The following MTRES1 variants were observed in gnomAD, a reference collection of about 807,000 sequenced individuals.
The protein encoded by MTRES1 is uncharacterized protein C6orf203.
In MTRES1, 11 loss-of-function variants were observed where a neutral mutation model predicts 17.4. That is an observed-to-expected ratio of 0.63 (90% CI 0.40 to 1.05). The LOEUF (loss-of-function observed/expected upper bound fraction) is 1.05, where lower values mean the gene tolerates loss of function less well. Ranked by LOEUF, MTRES1 falls within the 50% of genes least tolerant of loss-of-function variation. The pLI is 0.00. For missense variants in MTRES1, 268 were observed against 276.2 expected (o/e 0.97, Z 0.21); for synonymous variants, 94 against 99.6 (o/e 0.94, Z 0.34).
At chr6:107,031,400 G>GA (rs1169746963) in intron 1 of MTRES1, among the ~76,000 whole-genome samples, 3 of 98,430 alleles carry the variant, frequency 3.0e-5, no homozygotes, top group Non-Finnish European at 4.3e-5. Flanking sequence ...AAAAAAAAAA[G>GA]AAAAAAAAAG....
In MTRES1 at chr6:107,040,235, G is replaced by A; in HGVS notation, c.470+5G>A. On this transcript the variant is annotated splice_donor_5th_base_variant and intron_variant, in intron 2 of 3. Coordinates refer to ENST00000311381, the MANE Select transcript of MTRES1 (RefSeq NM_016487.5). ...GGGGCTAGATATTGGGAGAAAGTGA[G>A]TATGATACGCATTTCATTATAAACT... 6.3e-7 allele frequency: 1 copy of A among 1,575,946 alleles called. No individual in the cohort carries two copies. The highest frequency in any genetic ancestry group is 8.6e-7 in the Non-Finnish European group (1 of 1,166,734).
At chr6:107,046,304 C>A (rs2114968908) in intron 3 of MTRES1, among the ~76,000 whole-genome samples, 1 of 152,268 alleles carries the variant, frequency 6.6e-6, no homozygotes, top group South Asian at 2.1e-4. Context: ...CATTTACAAA[C>A]CCCACTAGAC....
intron 1 of MTRES1, among the ~76,000 whole-genome samples, chr6:107,034,459 G>GAA (rs199941602): frequency 2.4e-4 from 5 of 20,926 alleles, no homozygotes; most frequent in Admixed American, 6.0e-4. Context: ...TTTTATTCCA[G>GAA]AAAAAAAAAA....
intron 1 of MTRES1, among the ~76,000 whole-genome samples, chr6:107,030,568 TCAAATTATGA>T (rs1554226310): frequency 6.6e-6 from 1 of 152,200 alleles, no homozygotes. Context: ...TCTTGCAGCA[TCAAATTATGA>T]CAAGACGTGA....
chr6:107,050,083 T>C (rs1214015089), intron 3 of MTRES1, among the ~76,000 whole-genome samples: 1 of 152,228 alleles, frequency 6.6e-6, no homozygotes, highest in Non-Finnish European at 1.5e-5. Context: ...CTGGACCCGG[T>C]ATCTGTCTTG....
At chr6:107,045,670 AT>A (rs1223530801) in intron 3 of MTRES1, among the ~76,000 whole-genome samples, 1 of 152,156 alleles carries the variant, frequency 6.6e-6, no homozygotes, top group Non-Finnish European at 1.5e-5. Context: ...CACTTTCATA[AT>A]GGAAAAAACA....
intron 3 of MTRES1, among the ~76,000 whole-genome samples, chr6:107,048,332 G>T (rs921719276): frequency 1.3e-5 from 2 of 151,580 alleles, no homozygotes; most frequent in African/African-American, 4.8e-5. Context: ...ACGGGGTTTC[G>T]CCATGTTGGC....
Position 107,040,147 on chromosome 6 carries a change from C to A in MTRES1, c.387C>A (p.Val129=). The change falls in exon 2 of 4, where the codon GTC becomes GTA. Residue 129 remains valine, a synonymous_variant. Transcript: ENST00000311381. Reference sequence around the variant, plus strand: ...AGCTTGAGGATGATCCTACTGTAGTCAAAAACTATAAAGACCTGGAAAAAG... The same window carrying A: ...AGCTTGAGGATGATCCTACTGTAGTAAAAAACTATAAAGACCTGGAAAAAG... ...EEELEDDPTV[V]KNYKDLEKAV... 2 of 1,613,240 alleles carry A rather than the reference C, an allele frequency of 1.2e-6. No homozygotes were observed. Among genetic ancestry groups the A allele is most frequent in the South Asian group, 2.2e-5 (2 of 90,734 alleles).
rs1774596085 is a variant in MTRES1 at position 107,051,221 on chromosome 6, G to C, written c.708G>C (p.Lys236Asn). ...RRWKSLKLPK[K>N]RMSK ...GGAAAAGTTTAAAGTTGCCTAAGAA[G>C]AGAATGTCTAAATAAATGGATTGCT... Residue 236 changes from lysine (K) to asparagine (N), a missense_variant, in exon 4 of 4, where the codon AAG becomes AAC. Physicochemically the swap from Lys to Asn is moderately conservative, Grantham distance 94. Coordinates refer to ENST00000311381, the MANE Select transcript of MTRES1 (RefSeq NM_016487.5). 5 of 1,613,300 alleles carry C rather than the reference G, an allele frequency of 3.1e-6. No homozygotes were observed. The highest frequency in any genetic ancestry group is 4.2e-6 in the Non-Finnish European group (5 of 1,179,666).
chr6:107,049,392 G>C (rs1357138688), intron 3 of MTRES1, among the ~76,000 whole-genome samples: 1 of 150,986 alleles, frequency 6.6e-6, no homozygotes, highest in Non-Finnish European at 1.5e-5. Context: ...GTGGCTCCTG[G>C]GTCTGTATGG....
At chr6:107,046,933 TGTGTGTGTGTGTGTGTGTGTGTGTG>T (rs1774412667) in intron 3 of MTRES1, among the ~76,000 whole-genome samples, 3 of 146,814 alleles carry the variant, frequency 2.0e-5, no homozygotes, top group African/African-American at 7.8e-5. Flanking sequence ...TTCATTCTTG[TGTGTGTGTGTGTGTGTGTGTGTGTG>T]TGTGTGTGTG....
intron 3 of MTRES1, among the ~76,000 whole-genome samples, chr6:107,048,161 C>T (rs1774453449): frequency 6.6e-6 from 1 of 151,910 alleles, no homozygotes; most frequent in Non-Finnish European, 1.5e-5. Flanking sequence ...TTTGAGACAG[C>T]CTTGCTCTTG....
In MTRES1 at chr6:107,048,170, T is replaced by C. The variant is rs549007202; in HGVS notation, c.544-2887T>C. On this transcript the variant is annotated intron_variant, in intron 3 of 3. Transcript: ENST00000311381. ...CTTTTTTTTGAGACAGCCTTGCTCT[T>C]GTTGCCCAGGCTGGAGTGCAATGGC... Among the ~76,000 whole-genome samples, 11 of 152,210 alleles carry C rather than the reference T, an allele frequency of 7.2e-5. No individual in the cohort carries two copies. In the South Asian group the frequency reaches 2.3e-3, roughly 32 times the overall value.
intron 1 of MTRES1, among the ~76,000 whole-genome samples, 188 bp from the exon 2 acceptor site, chr6:107,039,561 C>T (rs374252929): frequency 2.5e-4 from 38 of 152,200 alleles, no homozygotes; most frequent in Middle Eastern, 3.4e-3. Flanking sequence ...CTCAGGTGAT[C>T]CACCCACCTC....
At chr6:107,045,081 A>G (rs935178429) in intron 3 of MTRES1, among the ~76,000 whole-genome samples, 1 of 152,002 alleles carries the variant, frequency 6.6e-6, no homozygotes, top group Admixed American at 6.6e-5. Context: ...GCTACTCAGG[A>G]GGCTGAGACG....
intron 1 of MTRES1, among the ~76,000 whole-genome samples, chr6:107,038,325 CCCTT>C (rs2114952084): frequency 6.6e-6 from 1 of 152,148 alleles, no homozygotes; most frequent in East Asian, 1.9e-4. Context: ...CATATGGAAA[CCCTT>C]CCCTCATTAC....
intron 3 of MTRES1, among the ~76,000 whole-genome samples, chr6:107,046,926 ATTC>A (rs1774408760): frequency 7.5e-6 from 1 of 133,154 alleles, no homozygotes; most frequent in Non-Finnish European, 1.6e-5. Flanking sequence ...AAAGGGATTC[ATTC>A]TTGTGTGTGT....
intron 1 of MTRES1, among the ~76,000 whole-genome samples, chr6:107,031,858 C>G (rs544303287): frequency 1.3e-5 from 2 of 152,060 alleles, no homozygotes; most frequent in Non-Finnish European, 2.9e-5. Context: ...ACCTCGGCCT[C>G]CCAAAGTGCT....
chr6:107,045,108 C>T (rs1472659313), intron 3 of MTRES1, among the ~76,000 whole-genome samples: 2 of 151,596 alleles, frequency 1.3e-5, no homozygotes, highest in African/African-American at 4.8e-5. Context: ...TTATCTGAGC[C>T]TAGGAGGTCA....
Sources: allele counts gnomAD v4.1 joint callset (sites outside exome capture counted in the v4.1 genomes callset), GRCh38; gene constraint gnomAD v4.1.1; transcripts MANE v1.5; gene names NCBI Gene and HGNC (gene_info 2026-07-23, HGNC 2026-07-21).